Variants in GRIP1 observed in about 807,000 individuals in gnomAD.
GRIP1 encodes the protein glutamate receptor interacting protein 1.
GRIP1 carries 45 observed loss-of-function variants against 129.9 expected under a neutral mutation model. That is an observed-to-expected ratio of 0.35 (90% CI 0.27 to 0.44). The LOEUF (loss-of-function observed/expected upper bound fraction) is 0.44. Among genes scored for constraint, GRIP1 ranks in the 20% least tolerant of loss-of-function variants. The probability of loss-of-function intolerance (pLI) is 1.00; values close to 1 mark genes in which losing one functional copy is unlikely to be tolerated. For synonymous variants in GRIP1, 530 were observed against 520.8 expected (o/e 1.02, Z -0.24); for missense variants, 1,196 against 1,396.8 (o/e 0.86, Z 2.29).
chr12:66,357,897 TTTTG>T (rs1380660622), intron 23 of GRIP1, among the ~76,000 whole-genome samples: 12 of 152,156 alleles, frequency 7.9e-5, no homozygotes, highest in Admixed American at 7.9e-4. Context: ...TCAATGCATT[TTTTG>T]TTTGTGTTTT....
intron 2 of GRIP1, among the ~76,000 whole-genome samples, chr12:66,570,675 G>A (rs2062931090): frequency 1.3e-5 from 2 of 152,146 alleles, no homozygotes; most frequent in African/African-American, 4.8e-5. Context: ...AACTGGCACA[G>A]GCTTCTTCCA....
intron 5 of GRIP1, among the ~76,000 whole-genome samples, chr12:66,520,399 CA>C (rs1206305125): frequency 6.6e-6 from 1 of 152,112 alleles, no homozygotes; most frequent in Admixed American, 6.5e-5. Flanking sequence ...TTCAAAACTC[CA>C]AAAACTTTTA....
chr12:66,848,441 T>C (rs1424464369), intron 1 of GRIP1, among the ~76,000 whole-genome samples: 1 of 152,028 alleles, frequency 6.6e-6, no homozygotes, highest in Non-Finnish European at 1.5e-5. Flanking sequence ...GAGCTGACAA[T>C]CCAAAGGAGT....
chr12:66,772,229 A>C (rs927249912), intron 1 of GRIP1, among the ~76,000 whole-genome samples: 2 of 152,238 alleles, frequency 1.3e-5, no homozygotes, highest in Non-Finnish European at 1.5e-5. Flanking sequence ...CCAGAGCTAG[A>C]GCTCTCCATC....
intron 7 of GRIP1, among the ~76,000 whole-genome samples, chr12:66,469,406 G>C (rs985762673): frequency 6.6e-6 from 1 of 152,148 alleles, no homozygotes; most frequent in African/African-American, 2.4e-5. Flanking sequence ...TGAGTAGCTA[G>C]ATAGAAAAGT....
chr12:66,473,157 A>G (rs965291311), intron 7 of GRIP1, among the ~76,000 whole-genome samples: 8 of 152,210 alleles, frequency 5.3e-5, no homozygotes, highest in African/African-American at 1.7e-4. Context: ...GCGTCCCTCA[A>G]TACTGGGGCT....
At chr12:66,986,540 A>C (rs1301676154) in intron 1 of GRIP1, among the ~76,000 whole-genome samples, 1 of 150,614 alleles carries the variant, frequency 6.6e-6, no homozygotes, top group Non-Finnish European at 1.5e-5. Flanking sequence ...GACATGGATG[A>C]AATTGGAAAT....
At chr12:66,931,303 C>T (rs1322143519) in intron 1 of GRIP1, among the ~76,000 whole-genome samples, 1 of 152,170 alleles carries the variant, frequency 6.6e-6, no homozygotes, top group Non-Finnish European at 1.5e-5. Context: ...AGAGGGACAA[C>T]CATCAATGCC....
chr12:66,854,757 C>A (rs1406550324), intron 1 of GRIP1, among the ~76,000 whole-genome samples: 1 of 151,982 alleles, frequency 6.6e-6, no homozygotes, highest in Non-Finnish European at 1.5e-5. Flanking sequence ...GTAAACAACC[C>A]ATGCTTCATG....
At chr12:66,970,922 C>G (rs895639931) in intron 1 of GRIP1, among the ~76,000 whole-genome samples, 1 of 152,158 alleles carries the variant, frequency 6.6e-6, no homozygotes, top group Non-Finnish European at 1.5e-5. Flanking sequence ...AGAGAACATT[C>G]TGAGCGCACT....
intron 1 of GRIP1, among the ~76,000 whole-genome samples, chr12:66,658,978 T>C (rs1766174911): frequency 6.6e-6 from 1 of 151,374 alleles, no homozygotes; most frequent in Admixed American, 6.6e-5. Context: ...CATAAAAGGA[T>C]AAAAATAAAA....
intron 1 of GRIP1, among the ~76,000 whole-genome samples, chr12:66,610,495 G>C (rs1471424209): frequency 6.6e-6 from 1 of 152,152 alleles, no homozygotes; most frequent in Non-Finnish European, 1.5e-5. Context: ...CCCTGTGGTA[G>C]AATGACCAGG....
intron 1 of GRIP1, among the ~76,000 whole-genome samples, chr12:66,856,378 T>C (rs1188080372): frequency 6.6e-6 from 1 of 152,138 alleles, no homozygotes. Context: ...AAATGGGATC[T>C]AATTAAACTA....
intron 1 of GRIP1, among the ~76,000 whole-genome samples, chr12:66,728,326 A>G (rs2036319448): frequency 6.6e-6 from 1 of 152,202 alleles, no homozygotes. Context: ...TTTAGAGGCA[A>G]TAAATGCAGG....
At chr12:66,378,191 C>T (rs532163751) in intron 20 of GRIP1, among the ~76,000 whole-genome samples, 1 of 152,194 alleles carries the variant, frequency 6.6e-6, no homozygotes, top group African/African-American at 2.4e-5. Flanking sequence ...CCTGTAATCC[C>T]AGCACTTTGG....
At chr12:66,548,849 A>G (rs2062032216) in intron 2 of GRIP1, among the ~76,000 whole-genome samples, 1 of 152,144 alleles carries the variant, frequency 6.6e-6, no homozygotes, top group African/African-American at 2.4e-5. Flanking sequence ...TTAACATTGA[A>G]ATACCACAGA....
upstream of GRIP1, among the ~76,000 whole-genome samples, chr12:66,806,609 C>G (rs1179224867): frequency 6.6e-6 from 1 of 152,042 alleles, no homozygotes; most frequent in Non-Finnish European, 1.5e-5. Context: ...CAAAGAAGAT[C>G]CCTTTTGCAT....
chr12:66,504,148 A>T (rs895554902), intron 7 of GRIP1, among the ~76,000 whole-genome samples: 6 of 152,176 alleles, frequency 3.9e-5, no homozygotes, highest in Admixed American at 2.6e-4. Context: ...TACATGCAGG[A>T]ATGTTGGCCC....
chr12:66,349,732 G>A (rs956643347), intron 24 of GRIP1, among the ~76,000 whole-genome samples: 21 of 151,536 alleles, frequency 1.4e-4, no homozygotes, highest in Admixed American at 1.2e-3. Context: ...CTGTCATTGT[G>A]GCACTTGAGG....
Sources: gnomAD v4.1 joint callset for allele counts (sites outside exome capture counted in the v4.1 genomes callset) on GRCh38, gnomAD v4.1.1 for gene constraint, MANE v1.5 for transcripts, NCBI Gene and HGNC (gene_info 2026-07-23, HGNC 2026-07-21) for gene names.